The following PER2 variants were observed in gnomAD, a reference collection of about 807,000 sequenced individuals.
PER2 encodes period circadian regulator 2.
A neutral mutation model predicts 121.0 loss-of-function variants in PER2; 66 were observed. The observed-to-expected ratio is 0.55, with a 90% confidence interval of 0.45 to 0.67. PER2 has a LOEUF of 0.67. Ranked by LOEUF, PER2 falls within the 30% of genes least tolerant of loss-of-function variation. PER2 has a pLI of 0.00. For missense variants in PER2, 1,521 were observed against 1,635.0 expected (o/e 0.93, Z 1.20); for synonymous variants, 684 against 659.9 (o/e 1.04, Z -0.56).
the PER2 span, chr2:238,298,854 A>G: frequency 1.3e-5 from 2 of 152,356 alleles, no homozygotes; most frequent in East Asian, 3.9e-4. Flanking sequence ...AACACTCAGA[A>G]GAAAGGAAAC....
At chr2:238,263,997 G>A (rs1156851450) in intron 9 of PER2, among the ~76,000 whole-genome samples, 2 of 150,652 alleles carry the variant, frequency 1.3e-5, no homozygotes, top group Non-Finnish European at 3.0e-5. Context: ...GGAGGAAGAG[G>A]AGGGAGCAGA....
chr2:238,261,611 G>A (rs1287368732), intron 12 of PER2, 118 bp downstream of exon 12: 2 of 724,464 alleles, frequency 2.8e-6, no homozygotes, highest in Non-Finnish European at 4.9e-6. Flanking sequence ...GATGTTCAGA[G>A]AATGACAGAT....
chr2:238,262,482 C>G (rs1204491360), intron 10 of PER2, 138 bp from the exon 11 acceptor site: 1 of 763,576 alleles, frequency 1.3e-6, no homozygotes, highest in Non-Finnish European at 2.2e-6. Flanking sequence ...AAAGCCACTG[C>G]TTTCAACCTC....
chr2:238,253,201 A>T lies in PER2; in HGVS notation c.2822T>A (p.Met941Lys). 2 of 1,594,100 alleles carry T rather than the reference A, an allele frequency of 1.3e-6. No homozygotes were observed. Among genetic ancestry groups the T allele is most frequent in the Non-Finnish European group, 1.7e-6 (2 of 1,167,346 alleles). Residue 941 changes from methionine (M) to lysine (K), a missense_variant, in exon 19 of 23, where the codon ATG (methionine) becomes AAG (lysine). Coordinates refer to ENST00000254657, the MANE Select transcript of PER2 (RefSeq NM_022817.3). The surrounding 1 kb of genome is among the most constrained non-coding windows in gnomAD (Gnocchi z 5.6). ...FPSHPTLTSE[M>K]ASASQPEFPS... The stretch of plus-strand genomic sequence containing the variant: ...GAACTCAGGCTGTGAGGCAGAGGCC[A>T]TCTCGGATGTGAGTGTGGGGTGGCT...
chr2:238,296,058 C>CACGGACACGGGCAGACATTCCCGGGCACT, the PER2 span, among the ~76,000 whole-genome samples: 7 of 135,290 alleles, frequency 5.2e-5, no homozygotes, highest in Non-Finnish European at 9.6e-5. Flanking sequence ...GTGTGCCCTC[C>CACGGACACGGGCAGACATTCCCGGGCACT]TGCTGCAGAG....
chr2:238,255,288 A>G, intron 18 of PER2: 1 of 361,042 alleles, frequency 2.8e-6, no homozygotes, highest in South Asian at 2.4e-5. Flanking sequence ...TGTGCCCAGC[A>G]CTACATGCCC....
chr2:238,293,734 CAAAA>C (rs397939497), upstream of PER2, among the ~76,000 whole-genome samples: 1 of 104,732 alleles, frequency 9.5e-6, no homozygotes. Flanking sequence ...GACTCTGTCT[CAAAA>C]AAAAAAAAAA....
rs762946532 is a variant in PER2 at position 238,273,133 on chromosome 2, G to A, written c.507C>T (p.Asp169=). Residue 169 remains aspartate, a synonymous_variant, in exon 5 of 23, where the codon GAC becomes GAT. Coordinates refer to ENST00000254657, the MANE Select transcript of PER2 (RefSeq NM_022817.3). ...TCTCCTCCACGGTGTAGGAGGGCAC[G>A]TCTGCTCCACAGGGGTGACCCTCGC... is the stretch of plus-strand genomic sequence containing the variant. The part of the protein sequence containing the change: ...MSSEGHPCGA[D]VPSYTVEEME... The A allele has an allele frequency of 3.0e-5, 48 of 1,613,296 alleles. No homozygotes were observed. Among genetic ancestry groups the A allele is most frequent in the Non-Finnish European group, 3.9e-5 (46 of 1,179,354 alleles).
At chr2:238,286,689 G>A (rs1395280820) in intron 1 of PER2, among the ~76,000 whole-genome samples, 1 of 152,208 alleles carries the variant, frequency 6.6e-6, no homozygotes, top group Non-Finnish European at 1.5e-5. Context: ...AGCACACCCA[G>A]AGCCTGTCTT....
At chr2:238,280,165 T>C (rs1696587056) in intron 1 of PER2, among the ~76,000 whole-genome samples, 2 of 152,262 alleles carry the variant, frequency 1.3e-5, no homozygotes, top group Middle Eastern at 6.8e-3. Context: ...GGGCTACACA[T>C]ACAGGGTGCC....
At chr2:238,255,953 GTTTATTATT>G (rs1266985515) in intron 17 of PER2, 42 bp from the exon 18 acceptor site, 1 of 1,612,168 alleles carries the variant, frequency 6.2e-7, no homozygotes, top group Non-Finnish European at 8.5e-7. Context: ...CACGTGCCCT[GTTTATTATT>G]TTAAGGCCAC....
intron 17 of PER2, 103 bp downstream of exon 17, chr2:238,256,819 A>G (rs1695775533): frequency 3.4e-6 from 4 of 1,187,270 alleles, no homozygotes; most frequent in Middle Eastern, 4.0e-4. Flanking sequence ...CTATCGGGCT[A>G]TGGTGGAGTT....
chr2:238,266,455 G>T (rs769949041), intron 8 of PER2, among the ~76,000 whole-genome samples: 3 of 152,072 alleles, frequency 2.0e-5, no homozygotes, highest in Admixed American at 6.5e-5. Flanking sequence ...TCACTATACT[G>T]GAGAACTTCA....
rs1294681519 is a variant in PER2, at chr2:238,262,355, A to C, written c.1154-11T>G. The C allele has an allele frequency of 9.3e-6, 15 of 1,613,804 alleles. No individual in the cohort carries two copies. Among genetic ancestry groups the C allele is most frequent in the Non-Finnish European group, 1.3e-5 (15 of 1,179,822 alleles). On this transcript the variant is annotated splice_polypyrimidine_tract_variant and intron_variant, in intron 10 of 22. Transcript: ENST00000254657. ...CGCCTGACTGCAGGACTAGGAGAGCAAAAGCCAGCATTCAGGGGAAAAGGG... is the reference window on the plus strand; with the variant it reads ...CGCCTGACTGCAGGACTAGGAGAGCCAAAGCCAGCATTCAGGGGAAAAGGG...
intron 1 of PER2, among the ~76,000 whole-genome samples, chr2:238,278,575 A>G (rs1696532137): frequency 6.6e-6 from 1 of 152,142 alleles, no homozygotes; most frequent in Admixed American, 6.5e-5. Flanking sequence ...GCTGGGAAAA[A>G]CACATGGTCC....
chr2:238,269,331 A>G (rs1279340224), intron 6 of PER2, among the ~76,000 whole-genome samples: 1 of 150,540 alleles, frequency 6.6e-6, no homozygotes, highest in African/African-American at 2.4e-5. Context: ...CTGCAACTGA[A>G]CACACTCACG....
At chr2:238,278,094 C>G (rs79339517) in intron 1 of PER2, 139 bp from the exon 2 acceptor site, 641 of 572,614 alleles carry the variant, frequency 1.1e-3, no homozygotes, top group African/African-American at 7.1e-3. Flanking sequence ...CTGTCTCTCT[C>G]TCTCTCTCTT....
Position 238,253,308 on chromosome 2 carries a change from T to C in PER2, c.2715A>G (p.Ala905=). The C allele has an allele frequency of 6.2e-7, 1 of 1,613,288 alleles. No individual in the cohort carries two copies. The highest frequency in any genetic ancestry group is 8.5e-7 in the Non-Finnish European group (1 of 1,179,686). ...PFPAPLAPVM[A]FMLPSYSFPS... ...GGAAGGAATAACTGGGTAGCATGAA[T>C]GCCATGACAGGCGCCAAAGGGGCAG... Residue 905 remains alanine, a synonymous_variant, in exon 19 of 23, where the codon GCA becomes GCG. Coordinates refer to ENST00000254657, the MANE Select transcript of PER2 (RefSeq NM_022817.3). This position sits in a 1 kb window ranked among gnomAD's most constrained non-coding sequence, Gnocchi z 5.6.
chr2:238,261,800 A>G lies in PER2; in HGVS notation c.1345T>C (p.Cys449Arg). The change falls in exon 12 of 23, where the codon TGC (cysteine) becomes CGC (arginine). Residue 449 changes from cysteine to arginine, a missense_variant. Coordinates refer to ENST00000254657, the MANE Select transcript of PER2 (RefSeq NM_022817.3). ...GGGTGCAGGGCCTTCTCCTCTGTGC[A>G]GGGGTGGGCTGCAAACACGTCCTCA... is the stretch of plus-strand genomic sequence containing the variant. Reference protein sequence around the residue: ...LNEDVFAAHPCTEEKALHPSI... With the variant: ...LNEDVFAAHPRTEEKALHPSI... The G allele has an allele frequency of 2.5e-6, 4 of 1,576,082 alleles. No individual in the cohort carries two copies. Among genetic ancestry groups the G allele is most frequent in the Non-Finnish European group, 3.4e-6 (4 of 1,159,744 alleles).
Sources: gnomAD v4.1 joint callset for allele counts (sites outside exome capture counted in the v4.1 genomes callset) on GRCh38, gnomAD v4.1.1 for gene constraint, Gnocchi (gnomAD v3.1) non-coding constraint, MANE v1.5 for transcripts, NCBI Gene and HGNC (gene_info 2026-07-23, HGNC 2026-07-21) for gene names.